The following DAB1 variants were observed in gnomAD, a reference collection of about 807,000 sequenced individuals.
DAB1 encodes the protein disabled homolog 1.
In DAB1, 15 loss-of-function variants were observed where a neutral mutation model predicts 64.6. That is an observed-to-expected ratio of 0.23 (90% CI 0.16 to 0.36). The LOEUF (loss-of-function observed/expected upper bound fraction) is 0.36, where lower values mean the gene tolerates loss of function less well. DAB1 is among the 10% of genes least tolerant of loss of function. DAB1 has a pLI of 1.00. For synonymous variants in DAB1, 235 were observed against 251.9 expected (o/e 0.93, Z 0.64); for missense variants, 596 against 706.7 (o/e 0.84, Z 1.78).
chr1:58,018,011 G>A (rs1294167053), intron 5 of DAB1, among the ~76,000 whole-genome samples: 4 of 152,198 alleles, frequency 2.6e-5, no homozygotes, highest in East Asian at 1.9e-4. Context: ...ATAAAACCAC[G>A]GTTCGCCAAT....
At chr1:57,382,916 T>C (rs1404114734) in intron 1 of DAB1, among the ~76,000 whole-genome samples, 2 of 152,176 alleles carry the variant, frequency 1.3e-5, no homozygotes, top group Non-Finnish European at 2.9e-5. Context: ...GCATTCTTTA[T>C]GTTAGCAAAC....
At chr1:57,410,286 T>C (rs1684004018) in intron 1 of DAB1, among the ~76,000 whole-genome samples, 1 of 152,168 alleles carries the variant, frequency 6.6e-6, no homozygotes, top group South Asian at 2.1e-4. Flanking sequence ...AAAACAGTGA[T>C]GGTAGACTTT....
intron 5 of DAB1, among the ~76,000 whole-genome samples, chr1:57,984,251 AGAAAG>A (rs1646151878): frequency 6.7e-6 from 1 of 148,156 alleles, no homozygotes; most frequent in African/African-American, 2.6e-5. Flanking sequence ...AAAGAAAGAA[AGAAAG>A]AAAGAAAAAA....
intron 4 of DAB1, among the ~76,000 whole-genome samples, chr1:58,164,246 A>G (rs551884699): frequency 6.6e-6 from 1 of 151,700 alleles, no homozygotes; most frequent in African/African-American, 2.4e-5. Flanking sequence ...CTCCTTTTCT[A>G]AATTCCAAAT....
chr1:57,482,829 T>C (rs1362039030), intron 7 of DAB1, among the ~76,000 whole-genome samples: 1 of 152,182 alleles, frequency 6.6e-6, no homozygotes, highest in Non-Finnish European at 1.5e-5. Context: ...GATAAAGATA[T>C]TGAGATCTAG....
intron 7 of DAB1, among the ~76,000 whole-genome samples, chr1:57,438,141 G>A (rs1056859201): frequency 2.6e-5 from 4 of 152,078 alleles, no homozygotes; most frequent in South Asian, 2.1e-4. Flanking sequence ...CCGTCTGAAT[G>A]AGGCACAAGC....
chr1:57,925,691 G>C (rs185339982), intron 5 of DAB1, among the ~76,000 whole-genome samples: 1 of 152,102 alleles, frequency 6.6e-6, no homozygotes, highest in Non-Finnish European at 1.5e-5. Context: ...GCCCAAAGAC[G>C]GAAAATGACT....
chr1:58,061,383 G>T (rs1196624937), intron 5 of DAB1, among the ~76,000 whole-genome samples: 1 of 152,200 alleles, frequency 6.6e-6, no homozygotes, highest in Non-Finnish European at 1.5e-5. Context: ...CCTTCTGAGG[G>T]CTGTGAGATG....
At chr1:57,753,566 G>C (rs976831136) in intron 6 of DAB1, among the ~76,000 whole-genome samples, 2 of 152,078 alleles carry the variant, frequency 1.3e-5, no homozygotes, top group Non-Finnish European at 2.9e-5. Flanking sequence ...CATGAAAACG[G>C]GATTTTCAAA....
chr1:58,482,519 TA>T (rs1417488971), intron 3 of DAB1, among the ~76,000 whole-genome samples: 2 of 152,194 alleles, frequency 1.3e-5, no homozygotes, highest in South Asian at 4.1e-4. Flanking sequence ...GAAAGACATT[TA>T]GGGGAAAAAG....
chr1:57,000,418 T>A (rs2101618852), intron 14 of DAB1, among the ~76,000 whole-genome samples: 1 of 152,292 alleles, frequency 6.6e-6, no homozygotes, highest in African/African-American at 2.4e-5. Context: ...ACTGAATGAT[T>A]ATAATGCTGT....
chr1:58,300,610 A>AAGAGAG (rs770388855), intron 4 of DAB1, among the ~76,000 whole-genome samples: 2 of 47,060 alleles, frequency 4.2e-5, no homozygotes, highest in Non-Finnish European at 9.5e-5. Context: ...GAAAGAAAGA[A>AAGAGAG]AGAGAGAGAG....
rs1000330341 is a variant in DAB1 at position 58,165,917 on chromosome 1, A to G, written n.310-15329T>C. 5.9e-4 allele frequency among the ~76,000 whole-genome samples: 90 copies of G among 152,190 alleles called. 1 individual carries two copies. Among genetic ancestry groups the G allele is most frequent in the Admixed American group, 5.9e-3 (90 of 15,274 alleles). On this transcript the variant is annotated intron_variant and non_coding_transcript_variant, in intron 4 of 20. Coordinates refer to the DAB1 transcript ENST00000485760. ...CTCATTTAATTCTTTGTAAAACTCC[A>G]TGAGATAGCTGTTGTTGTTTTCAGT...
intron 2 of DAB1, among the ~76,000 whole-genome samples, chr1:57,241,509 G>A (rs567482908): frequency 9.3e-4 from 141 of 152,172 alleles, no homozygotes; most frequent in Non-Finnish European, 1.8e-3. Context: ...TGATCACGTT[G>A]CTATAGACTC....
At position 58,359,705 on chromosome 1, in the gene DAB1, G is replaced by GATGATAGCAAGGGGTGAGAGTA. The variant is rs1482391524; in HGVS notation, n.258-16303_258-16302insTACTCTCACCCCTTGCTATCAT. On this transcript the variant is annotated intron_variant and non_coding_transcript_variant, in intron 3 of 20. Transcript: ENST00000485760. ...AGAGATGATAGCAAGGGGTGAGAGT[G>GATGATAGCAAGGGGTGAGAGTA]ATAATTAACAATGATGGCAGTAGTA... Among the ~76,000 whole-genome samples the GATGATAGCAAGGGGTGAGAGTA allele has an allele frequency of 1.9e-3, 284 of 152,138 alleles. 10 individuals are homozygous for GATGATAGCAAGGGGTGAGAGTA. The South Asian group carries it at 0.053, about 28-fold the overall frequency.
At chr1:57,448,393 T>A (rs1199117857) in intron 7 of DAB1, among the ~76,000 whole-genome samples, 32 of 152,178 alleles carry the variant, frequency 2.1e-4, no homozygotes, top group Admixed American at 2.1e-3. Flanking sequence ...GTTAAACCAG[T>A]TAAGCAACAA....
At chr1:58,133,111 C>T (rs1195540578) in intron 5 of DAB1, among the ~76,000 whole-genome samples, 1 of 152,142 alleles carries the variant, frequency 6.6e-6, no homozygotes, top group Admixed American at 6.5e-5. Context: ...GGCATCAAAG[C>T]TGCTATGGTT....
At chr1:57,915,118 T>C (rs1433924860) in intron 5 of DAB1, among the ~76,000 whole-genome samples, 1 of 142,152 alleles carries the variant, frequency 7.0e-6, no homozygotes, top group Non-Finnish European at 1.5e-5. Context: ...AAACAATGAT[T>C]CTTTAAATCA....
intron 1 of DAB1, among the ~76,000 whole-genome samples, chr1:58,533,484 AT>A (rs34391183): frequency 0.64 from 96,649 of 151,988 alleles, 32,429 homozygotes; most frequent in East Asian, 0.82. Flanking sequence ...AGGTATTGTT[AT>A]TACTCTGTAT....
Sources: gnomAD v4.1 joint callset for allele counts (sites outside exome capture counted in the v4.1 genomes callset) on GRCh38, gnomAD v4.1.1 for gene constraint, MANE v1.5 for transcripts, NCBI Gene and HGNC (gene_info 2026-07-23, HGNC 2026-07-21) for gene names.